Variants in INSC observed in about 807,000 individuals in gnomAD.
INSC encodes the protein INSC spindle orientation adaptor protein.
In INSC, 67 loss-of-function variants were observed where a neutral mutation model predicts 58.6. The ratio of observed to expected loss-of-function variants is 1.14; its 90% CI spans 0.94 to 1.40. INSC has a LOEUF of 1.40. Ranked by LOEUF, INSC falls within the 40% of genes most tolerant of loss-of-function variation. The probability of loss-of-function intolerance (pLI) is 0.00; values close to 1 mark genes in which losing one functional copy is unlikely to be tolerated. For missense variants in INSC, 714 were observed against 692.0 expected (o/e 1.03, Z -0.36); for synonymous variants, 262 against 276.1 (o/e 0.95, Z 0.51).
intron 1 of INSC, among the ~76,000 whole-genome samples, chr11:15,118,116 A>T (rs188272644): frequency 2.0e-5 from 3 of 152,166 alleles, no homozygotes; most frequent in Admixed American, 2.0e-4. Context: ...GGAACACAAC[A>T]TCTCTGATCA....
intron 2 of INSC, among the ~76,000 whole-genome samples, chr11:15,153,842 T>C (rs1294375711): frequency 2.0e-5 from 3 of 152,208 alleles, no homozygotes; most frequent in Non-Finnish European, 4.4e-5. Context: ...GGAATGTAAC[T>C]GTCACAATAC....
At chr11:15,134,428 C>T (rs1848194771) in intron 1 of INSC, among the ~76,000 whole-genome samples, 1 of 152,136 alleles carries the variant, frequency 6.6e-6, no homozygotes, top group African/African-American at 2.4e-5. Context: ...GCAAAAAAGG[C>T]AGTGGTTGAG....
intron 2 of INSC, among the ~76,000 whole-genome samples, chr11:15,170,797 G>A (rs1200764281): frequency 6.6e-6 from 1 of 152,068 alleles, no homozygotes; most frequent in Non-Finnish European, 1.5e-5. Flanking sequence ...TGCGCAAATA[G>A]GGATATACAG....
At chr11:15,141,097 T>G (rs1049463004) in intron 1 of INSC, among the ~76,000 whole-genome samples, 1 of 152,144 alleles carries the variant, frequency 6.6e-6, no homozygotes, top group African/African-American at 2.4e-5. Flanking sequence ...TCCTCATTAT[T>G]ATTATTACTA....
At chr11:15,211,221 G>T (rs1307847451) in intron 7 of INSC, among the ~76,000 whole-genome samples, 1 of 152,186 alleles carries the variant, frequency 6.6e-6, no homozygotes, top group East Asian at 1.9e-4. Flanking sequence ...TGGACATACA[G>T]TGCTCTGCTT....
chr11:15,241,749 C>A, intron 12 of INSC: 2 of 608,574 alleles, frequency 3.3e-6, no homozygotes, highest in Admixed American at 2.9e-5. Context: ...AGAATTAAAA[C>A]CAAAGTGAAT....
chr11:15,265,379 GAT>G, the INSC span, among the ~76,000 whole-genome samples: 3 of 151,950 alleles, frequency 2.0e-5, no homozygotes, highest in African/African-American at 4.8e-5. Flanking sequence ...TAATTTGTAA[GAT>G]AGAAATATTT....
chr11:15,213,223 G>A (rs776561541), intron 7 of INSC, among the ~76,000 whole-genome samples: 4 of 151,876 alleles, frequency 2.6e-5, no homozygotes, highest in Non-Finnish European at 1.5e-5. Flanking sequence ...GCAGATCACT[G>A]CACTCCAACC....
At position 15,140,632 on chromosome 11, in the gene INSC, G is replaced by A. The variant is rs575224239; in HGVS notation, c.-45-8498G>A. Among the ~76,000 whole-genome samples, 5 of 149,966 alleles carry A rather than the reference G, an allele frequency of 3.3e-5. No individual in the cohort carries two copies. The East Asian group carries it at 9.9e-4, about 30-fold the overall frequency. ...GGTAGGGTCTTGCTCAGGCTGAAGT[G>A]CAGTGGCATAATCATAGCTCACTGT... On this transcript the variant is annotated intron_variant, in intron 1 of 12. Coordinates refer to ENST00000379556, the MANE Select transcript of INSC (RefSeq NM_001042536.3).
intron 1 of INSC, among the ~76,000 whole-genome samples, chr11:15,122,565 C>T (rs1224155081): frequency 1.3e-5 from 2 of 152,334 alleles, no homozygotes; most frequent in East Asian, 1.9e-4. Flanking sequence ...TTTTAGATTT[C>T]GTTGAATGAC....
At position 15,178,397 on chromosome 11, in the gene INSC, G is replaced by C; in HGVS notation, c.529G>C (p.Gly177Arg). The part of the protein sequence containing the change: ...ACVSETLSML[G>R]QHFGQLLELA... Reference sequence around the variant, plus strand: ...CGTGAGTGAGACCCTGAGCATGCTGGGCCAGCACTTTGGTCAGCTGCTGGA... The same window carrying C: ...CGTGAGTGAGACCCTGAGCATGCTGCGCCAGCACTTTGGTCAGCTGCTGGA... Residue 177 changes from glycine to arginine, a missense_variant, in exon 5 of 13, where the codon GGC becomes CGC. Physicochemically the swap from Gly to Arg is moderately radical, Grantham distance 125. Transcript: ENST00000379556. The C allele has an allele frequency of 6.2e-7, 1 of 1,613,606 alleles. No individual in the cohort carries two copies.
chr11:15,121,739 T>G (rs1190751793), intron 1 of INSC, among the ~76,000 whole-genome samples: 1 of 152,226 alleles, frequency 6.6e-6, no homozygotes, highest in African/African-American at 2.4e-5. Flanking sequence ...TTTAAAAAAA[T>G]CTTTTCCCCA....
rs1419472850 is a variant in INSC at position 15,246,225 on chromosome 11, A to G, written c.*185A>G. On this transcript the variant is annotated 3_prime_UTR_variant, in exon 13 of 13. Coordinates refer to ENST00000379556, the MANE Select transcript of INSC (RefSeq NM_001042536.3). ...ATCAAACAGTCTTTGGTCCTTGAGAATCTTCTTTGTGTTTTATTTTTTGAT... is the reference window on the plus strand; with the variant it reads ...ATCAAACAGTCTTTGGTCCTTGAGAGTCTTCTTTGTGTTTTATTTTTTGAT... 1.4e-5 allele frequency: 7 copies of G among 514,850 alleles called. No individual in the cohort carries two copies. Among genetic ancestry groups the G allele is most frequent in the Non-Finnish European group, 2.3e-5 (7 of 305,842 alleles). The allele number at this position is 514,850 out of a possible 1,614,324, so 31.9% of individuals were successfully genotyped here.
intron 2 of INSC, among the ~76,000 whole-genome samples, chr11:15,173,172 G>A (rs1303947827): frequency 6.6e-6 from 1 of 152,216 alleles, no homozygotes; most frequent in Non-Finnish European, 1.5e-5. Flanking sequence ...ATATGGAATA[G>A]TGTTCAAACA....
intron 9 of INSC, among the ~76,000 whole-genome samples, chr11:15,233,642 G>A (rs992177718): frequency 6.6e-6 from 1 of 152,210 alleles, no homozygotes; most frequent in African/African-American, 2.4e-5. Context: ...AATAATTACT[G>A]TGTAATGAAC....
chr11:15,155,200 C>A (rs1251666425), intron 2 of INSC, among the ~76,000 whole-genome samples: 1 of 152,188 alleles, frequency 6.6e-6, no homozygotes, highest in Non-Finnish European at 1.5e-5. Flanking sequence ...GCCATTTTCC[C>A]AACACATGAG....
chr11:15,260,600 C>T, the INSC span, among the ~76,000 whole-genome samples: 1 of 152,094 alleles, frequency 6.6e-6, no homozygotes, highest in Admixed American at 6.6e-5. Flanking sequence ...AGCCTAGTAC[C>T]TTGAAGGTAC....
intron 1 of INSC, among the ~76,000 whole-genome samples, chr11:15,119,369 T>C (rs1033650298): frequency 6.6e-6 from 1 of 152,174 alleles, no homozygotes; most frequent in Non-Finnish European, 1.5e-5. Context: ...ACCTCTGTCC[T>C]GGGAACCAAG....
chr11:15,239,008 G>GCTGCAGTGACCCTGGCT lies in INSC; in HGVS notation c.1329_1345dup (p.Arg449LeufsTer3), dbSNP rs1397294833. 3 of 1,614,218 alleles carry GCTGCAGTGACCCTGGCT rather than the reference G, an allele frequency of 1.9e-6. No homozygotes were observed. Among genetic ancestry groups the GCTGCAGTGACCCTGGCT allele is most frequent in the Admixed American group, 1.7e-5 (1 of 60,030 alleles). On this transcript the variant is annotated frameshift_variant, in exon 11 of 13. Coordinates refer to ENST00000379556, the MANE Select transcript of INSC (RefSeq NM_001042536.3). LOFTEE classifies it high-confidence loss of function. ...AGCCTGTGAGCGAGTCCAGCAGAAA[G>GCTGCAGTGACCCTGGCT]CTGCAGTGACCCTGGCTCGTCTCAG...
Sources: gnomAD v4.1 joint callset for allele counts (sites outside exome capture counted in the v4.1 genomes callset) on GRCh38, gnomAD v4.1.1 for gene constraint, MANE v1.5 for transcripts, NCBI Gene and HGNC (gene_info 2026-07-23, HGNC 2026-07-21) for gene names.